PCDHGB3: variants seen among roughly 807,000 people sequenced by gnomAD.
The protein encoded by PCDHGB3 is protocadherin gamma subfamily B, 3.
PCDHGB3 carries 40 observed loss-of-function variants against 59.2 expected under a neutral mutation model. The observed-to-expected ratio is 0.68, with a 90% CI of 0.52 to 0.88. The LOEUF is 0.88. Ranked by LOEUF, PCDHGB3 falls within the 40% of genes least tolerant of loss-of-function variation. The pLI is 0.00. For synonymous variants in PCDHGB3, 581 were observed against 503.6 expected, an observed-to-expected ratio of 1.15 and a Z score of -2.06; for missense variants, 1,309 against 1,187.9, an observed-to-expected ratio of 1.10 and a Z score of -1.50.
intron 1 of PCDHGB3, chr5:141,415,513 G>A: frequency 6.2e-7 from 1 of 1,614,214 alleles, no homozygotes; most frequent in East Asian, 2.2e-5. Context: ...GCCCAATTAT[G>A]CGGACACGCT....
At chr5:141,399,805 T>C (rs776266997) in intron 1 of PCDHGB3, 26 of 1,613,074 alleles carry the variant, frequency 1.6e-5, no homozygotes, top group Non-Finnish European at 8.5e-7. Flanking sequence ...GCGGGTGCTG[T>C]ACCCCGCGCT....
rs758066525 is a variant in PCDHGB3, at chr5:141,477,331, T to C, written c.2416-17476T>C. The C allele has an allele frequency of 7.4e-6, 12 of 1,614,024 alleles. No individual in the cohort carries two copies. In the East Asian group the frequency reaches 1.1e-4, roughly 15 times the overall value. Reference sequence around the variant, plus strand: ...TCAGCCTTACTTCTTCCCTCAAGAATTACTTCACTTTGAAAACCAGTGCAG... The same window carrying C: ...TCAGCCTTACTTCTTCCCTCAAGAACTACTTCACTTTGAAAACCAGTGCAG... On this transcript the variant is annotated intron_variant, in intron 1 of 3. Coordinates refer to ENST00000576222, the MANE Select transcript of PCDHGB3 (RefSeq NM_018924.5). This position sits in a 1 kb window ranked among gnomAD's most constrained non-coding sequence, Gnocchi z 4.9.
Position 141,505,388 on chromosome 5 carries a change from C to T in PCDHGB3, c.2475-5C>T, listed in dbSNP as rs756505223. ...TCTGTGCTCACCATCCTACTCTCTCCCCAGCTCCCAAAATGGCGATGACAC... is the reference window on the plus strand; with the variant it reads ...TCTGTGCTCACCATCCTACTCTCTCTCCAGCTCCCAAAATGGCGATGACAC... On this transcript the variant is annotated splice_polypyrimidine_tract_variant and splice_region_variant and intron_variant, in intron 2 of 3. Transcript: ENST00000576222. The T allele has an allele frequency of 6.2e-7, 1 of 1,613,972 alleles. No homozygotes were observed. The highest frequency in any genetic ancestry group is 2.2e-5 in the East Asian group (1 of 44,886).
intron 1 of PCDHGB3, among the ~76,000 whole-genome samples, chr5:141,444,162 T>A: frequency 8.4e-6 from 1 of 119,238 alleles, no homozygotes. Flanking sequence ...ATTTTTTTTT[T>A]TTTTTTTTTT....
At chr5:141,418,563 C>T in intron 1 of PCDHGB3, 2 of 1,613,998 alleles carry the variant, frequency 1.2e-6, no homozygotes, top group Non-Finnish European at 1.7e-6. Context: ...GTAATAGATG[C>T]CAATGACAAC....
intron 1 of PCDHGB3, among the ~76,000 whole-genome samples, chr5:141,461,536 T>C (rs1424913303): frequency 1.3e-5 from 2 of 152,240 alleles, no homozygotes; most frequent in Non-Finnish European, 2.9e-5. Context: ...TTCTGGATAC[T>C]AGTCCTTTGT....
chr5:141,389,791 TC>T (rs754420674), intron 1 of PCDHGB3: 1 of 1,613,408 alleles, frequency 6.2e-7, no homozygotes, highest in Non-Finnish European at 8.5e-7. Context: ...AGGGACGCCG[TC>T]CGCCAGCGCC....
chr5:141,480,241 A>C (rs895691864), intron 1 of PCDHGB3, among the ~76,000 whole-genome samples: 58 of 97,306 alleles, frequency 6.0e-4, no homozygotes, highest in African/African-American at 2.2e-3. Context: ...CTGTCTCTAC[A>C]AAAAAAAAAA....
intron 1 of PCDHGB3, chr5:141,383,980 C>T: frequency 6.2e-7 from 1 of 1,613,696 alleles, no homozygotes; most frequent in Admixed American, 1.7e-5. Context: ...TGAAGACACA[C>T]CTCTTGGGAC....
intron 1 of PCDHGB3, chr5:141,389,112 C>G (rs376966829): frequency 1.2e-6 from 2 of 1,613,966 alleles, no homozygotes; most frequent in Non-Finnish European, 1.7e-6. Context: ...TGTTCTAGAC[C>G]GCGAGCAGAA....
intron 1 of PCDHGB3, among the ~76,000 whole-genome samples, chr5:141,460,961 A>ATATGTGTGTGTG (rs1463306338): frequency 4.1e-5 from 6 of 144,616 alleles, no homozygotes; most frequent in Admixed American, 1.4e-4. Flanking sequence ...GTATATATAT[A>ATATGTGTGTGTG]TGTGTGTGTG....
chr5:141,476,839 G>A lies in PCDHGB3; in HGVS notation c.2416-17968G>A, dbSNP rs372676286. The A allele has an allele frequency of 5.0e-6, 8 of 1,613,490 alleles. No homozygotes were observed. Among genetic ancestry groups the A allele is most frequent in the South Asian group, 1.1e-5 (1 of 91,088 alleles). On this transcript the variant is annotated intron_variant, in intron 1 of 3. Transcript: ENST00000576222. The surrounding 1 kb of genome is among the most constrained non-coding windows in gnomAD (Gnocchi z 7.6). ...AGGTGCTGGACGCGAATGACAATGC[G>A]CCTGTCTTCAACCAGTCCTTGTACC...
chr5:141,491,047 G>A lies in PCDHGB3; in HGVS notation c.2416-3760G>A, dbSNP rs751761240. On this transcript the variant is annotated intron_variant, in intron 1 of 3. Coordinates refer to ENST00000576222, the MANE Select transcript of PCDHGB3 (RefSeq NM_018924.5). The surrounding 1 kb of genome is among the most constrained non-coding windows in gnomAD (Gnocchi z 6.9). Reference sequence around the variant, plus strand: ...CGTGGATGCTGATGCAGGCCACAATGCGTGGCTCTCCTACTCACTGTTGCC... The same window carrying A: ...CGTGGATGCTGATGCAGGCCACAATACGTGGCTCTCCTACTCACTGTTGCC... 4 of 1,614,054 alleles carry A rather than the reference G, an allele frequency of 2.5e-6. No homozygotes were observed. Among genetic ancestry groups the A allele is most frequent in the Non-Finnish European group, 3.4e-6 (4 of 1,180,034 alleles).
intron 1 of PCDHGB3, chr5:141,376,115 C>A: frequency 1.2e-6 from 2 of 1,613,870 alleles, no homozygotes; most frequent in Non-Finnish European, 8.5e-7. Flanking sequence ...CCTGGGCAGC[C>A]TCGAGCCCTC....
At chr5:141,426,334 C>T (rs551131722) in intron 1 of PCDHGB3, 1 of 186,734 alleles carries the variant, frequency 5.4e-6, no homozygotes, top group South Asian at 1.1e-4. Flanking sequence ...GTGGCAAGCA[C>T]TCTTCCCTTT....
At chr5:141,383,101 T>C (rs1561594429) in intron 1 of PCDHGB3, 2 of 1,613,954 alleles carry the variant, frequency 1.2e-6, no homozygotes, top group Non-Finnish European at 8.5e-7. Flanking sequence ...CCGCATCATC[T>C]CCAGAGGTAG....
chr5:141,473,362 C>A (rs2099320242), intron 1 of PCDHGB3, among the ~76,000 whole-genome samples: 1 of 152,166 alleles, frequency 6.6e-6, no homozygotes, highest in Admixed American at 6.5e-5. Context: ...AAGTGGCCAC[C>A]AAAATAGCAT....
chr5:141,382,978 T>C, intron 1 of PCDHGB3: 1 of 1,610,702 alleles, frequency 6.2e-7, no homozygotes, highest in Non-Finnish European at 8.5e-7. Context: ...CTGGGAAGCC[T>C]GGGCAGGACG....
chr5:141,453,931 G>T (rs61228273), intron 1 of PCDHGB3, among the ~76,000 whole-genome samples: 2 of 152,306 alleles, frequency 1.3e-5, no homozygotes, highest in African/African-American at 4.8e-5. Flanking sequence ...GTCACTGTGT[G>T]CCTATAATTT....
Sources: gnomAD v4.1 joint callset for allele counts (sites outside exome capture counted in the v4.1 genomes callset) on GRCh38, gnomAD v4.1.1 for gene constraint, Gnocchi (gnomAD v3.1) non-coding constraint, MANE v1.5 for transcripts, NCBI Gene and HGNC (gene_info 2026-07-23, HGNC 2026-07-21) for gene names.